TM4SF20: variants seen among roughly 807,000 people sequenced by gnomAD.
The protein encoded by TM4SF20 is transmembrane 4 L six family member 20.
In TM4SF20, 13 loss-of-function variants were observed where a neutral mutation model predicts 15.1. The observed-to-expected ratio is 0.86, with a 90% CI of 0.56 to 1.36. TM4SF20 has a LOEUF of 1.36. Among genes scored for constraint, TM4SF20 ranks in the 40% most tolerant of loss-of-function variants. TM4SF20 has a pLI of 0.00. For missense variants in TM4SF20, 282 were observed against 268.4 expected, an observed-to-expected ratio of 1.05 and a Z score of -0.35; for synonymous variants, 92 against 96.6, an observed-to-expected ratio of 0.95 and a Z score of 0.28.
chr2:227,376,125 A>C (rs2076449334), intron 1 of TM4SF20, among the ~76,000 whole-genome samples: 1 of 152,206 alleles, frequency 6.6e-6, no homozygotes, highest in Non-Finnish European at 1.5e-5. Flanking sequence ...TTCATGATGT[A>C]ATCAATAATG....
chr2:227,369,715 C>T (rs1391927015), intron 2 of TM4SF20, among the ~76,000 whole-genome samples: 1 of 152,144 alleles, frequency 6.6e-6, no homozygotes. Flanking sequence ...CCGTGCCCAG[C>T]CTAATGTTCC....
rs1226126996 is a variant in TM4SF20 at position 227,368,019 on chromosome 2, A to ATTT, written c.250-1778_250-1776dup. Reference sequence around the variant, plus strand: ...CCATGGTGTTTATTTTTAACCATCTATTTTTTTTTTTTTTTTTTTTTGGAG... The same window carrying ATTT: ...CCATGGTGTTTATTTTTAACCATCTATTTTTTTTTTTTTTTTTTTTTTTTGGAG... On this transcript the variant is annotated intron_variant, in intron 2 of 3. Transcript: ENST00000304568. Among the ~76,000 whole-genome samples the ATTT allele has an allele frequency of 6.6e-4, 80 of 120,518 alleles. 2 individuals are homozygous for ATTT. Among genetic ancestry groups the ATTT allele is most frequent in the African/African-American group, 2.1e-3 (61 of 29,448 alleles). The allele number at this position is 120,518 out of a possible 152,430, so 79.1% of individuals were successfully genotyped here.
At chr2:227,380,061 G>A (rs933456310), upstream of TM4SF20, among the ~76,000 whole-genome samples, 1 of 152,250 alleles carries the variant, frequency 6.6e-6, no homozygotes, top group Non-Finnish European at 1.5e-5. Context: ...AGCTGCGGTG[G>A]CTCACGCCTG....
intron 2 of TM4SF20, among the ~76,000 whole-genome samples, chr2:227,368,029 T>A (rs1299457124): frequency 1.4e-5 from 2 of 145,476 alleles, no homozygotes; most frequent in East Asian, 2.0e-4. Context: ...ATTTTTTTTT[T>A]TTTTTTTTTT....
chr2:227,365,197 C>T (rs971792182), intron 3 of TM4SF20, among the ~76,000 whole-genome samples: 1 of 152,216 alleles, frequency 6.6e-6, no homozygotes, highest in African/African-American at 2.4e-5. Flanking sequence ...AGGCGTGAGC[C>T]GCTGTGCCTG....
Position 227,363,803 on chromosome 2 carries a change from A to G in TM4SF20, c.611T>C (p.Leu204Pro), listed in dbSNP as rs772074199. The G allele has an allele frequency of 1.2e-6, 2 of 1,614,126 alleles. No homozygotes were observed. The highest frequency in any genetic ancestry group is 2.2e-5 in the East Asian group (1 of 44,892). The change falls in exon 4 of 4, where the codon CTG becomes CCG. Residue 204 changes from leucine to proline, a missense_variant. Physicochemically the swap from Leu to Pro is moderately conservative, Grantham distance 98 (BLOSUM62 -3). Transcript: ENST00000304568. ...GLLLVGILEVLFGLSQIVIGF... is the reference protein window; with the variant it reads ...GLLLVGILEVPFGLSQIVIGF... ...GATGACTATCTGACTGAGCCCAAAC[A>G]GGACCTCCAGAATTCCAACAAGCAA...
intron 3 of TM4SF20, among the ~76,000 whole-genome samples, chr2:227,365,279 A>G (rs2076387307): frequency 6.6e-6 from 1 of 152,234 alleles, no homozygotes; most frequent in Admixed American, 6.5e-5. Context: ...TTAATGTAGC[A>G]AGGTAAGGGA....
rs1367927082 is a variant in TM4SF20, at chr2:227,379,076, T to C, written c.183+10A>G. 1 of 1,612,718 alleles carries C rather than the reference T, an allele frequency of 6.2e-7. No individual in the cohort carries two copies. The highest frequency in any genetic ancestry group is 2.2e-5 in the East Asian group (1 of 44,868). ...CCTTCTTCACATCAAGTCAAATAAATATCACTCACCATCAGACCTGCTCCT... is the reference window on the plus strand; with the variant it reads ...CCTTCTTCACATCAAGTCAAATAAACATCACTCACCATCAGACCTGCTCCT... On this transcript the variant is annotated intron_variant, in intron 1 of 3. Coordinates refer to ENST00000304568, the MANE Select transcript of TM4SF20 (RefSeq NM_024795.4).
In TM4SF20 at chr2:227,362,093, A is replaced by C. The variant is rs1343104748; in HGVS notation, c.*1631T>G. ...AGCTATAATGTAGGTACTGCAAATT[A>C]TTTCTGGAACCTTAAGCCCAATGAA... On this transcript the variant is annotated 3_prime_UTR_variant, in exon 4 of 4. Transcript: ENST00000304568. 1 of 152,238 alleles carries C rather than the reference A, an allele frequency of 6.6e-6. No homozygotes were observed. Among genetic ancestry groups the C allele is most frequent in the Non-Finnish European group, 1.5e-5 (1 of 68,034 alleles). 9.4% of individuals were successfully genotyped at this position (152,238 alleles called of 1,614,324 possible).
At position 227,364,046 on chromosome 2, in the gene TM4SF20, A is replaced by G. The variant is rs140115177; in HGVS notation, c.402-34T>C. On this transcript the variant is annotated intron_variant, in intron 3 of 3. Coordinates refer to ENST00000304568, the MANE Select transcript of TM4SF20 (RefSeq NM_024795.4). ...CAAAAGATAAAAATCAGATATTCAG[A>G]AATATCCCTGACCAAAGGAAAGTAG... 799 of 1,582,680 alleles carry G rather than the reference A, an allele frequency of 5.0e-4. 5 individuals carry two copies. The African/African-American group carries it at 9.8e-3, about 19-fold the overall frequency.
intron 3 of TM4SF20, 36 bp downstream of exon 3, chr2:227,366,057 G>A (rs758334838): frequency 1.3e-6 from 2 of 1,592,506 alleles, no homozygotes; most frequent in Non-Finnish European, 1.7e-6. Flanking sequence ...GTTCAACTGT[G>A]TGAGACAGTA....
At chr2:227,368,110 G>A (rs557773869) in intron 2 of TM4SF20, among the ~76,000 whole-genome samples, 74 of 139,038 alleles carry the variant, frequency 5.3e-4, no homozygotes, top group African/African-American at 1.9e-3. Context: ...TGCAAGCTCC[G>A]CCTCCCGGGT....
intron 3 of TM4SF20, among the ~76,000 whole-genome samples, 192 bp downstream of exon 3, chr2:227,365,901 G>A (rs577123487): frequency 2.0e-5 from 3 of 152,274 alleles, no homozygotes; most frequent in African/African-American, 7.2e-5. Flanking sequence ...TTAGAGCATT[G>A]TAAATCTAAT....
chr2:227,367,139 C>T (rs2076397234), intron 2 of TM4SF20, among the ~76,000 whole-genome samples: 1 of 152,148 alleles, frequency 6.6e-6, no homozygotes, highest in Admixed American at 6.5e-5. Context: ...CCACTAGATG[C>T]CAATATCATC....
Position 227,366,096 on chromosome 2 carries a change from A to G in TM4SF20, c.398T>C (p.Ile133Thr), listed in dbSNP as rs2076391332. 1.2e-6 allele frequency: 2 copies of G among 1,611,832 alleles called. No homozygotes were observed. Among genetic ancestry groups the G allele is most frequent in the Non-Finnish European group, 1.7e-6 (2 of 1,179,350 alleles). ...NANCEFSLKNISDIHPESFNL... is the reference protein window; with the variant it reads ...NANCEFSLKNTSDIHPESFNL... ...CTGTGAAAATCAAGTTACTTACCTGATGTTTTTCAATGAAAATTCACAATT... is the reference window on the plus strand; with the variant it reads ...CTGTGAAAATCAAGTTACTTACCTGGTGTTTTTCAATGAAAATTCACAATT... The change falls in exon 3 of 4, where the codon ATC becomes ACC. Residue 133 changes from isoleucine (I) to threonine (T), a missense_variant. Transcript: ENST00000304568.
chr2:227,371,817 G>A (rs746320050), intron 1 of TM4SF20, among the ~76,000 whole-genome samples: 19 of 152,190 alleles, frequency 1.2e-4, no homozygotes, highest in South Asian at 6.2e-4. Context: ...TTGGTTCCAC[G>A]TTCTCCTTTC....
At chr2:227,373,497 G>A (rs2076431060) in intron 1 of TM4SF20, among the ~76,000 whole-genome samples, 2 of 152,158 alleles carry the variant, frequency 1.3e-5, no homozygotes, top group African/African-American at 4.8e-5. Context: ...GAGCTTACAG[G>A]ACAAATCATT....
At chr2:227,380,326 T>G (rs992934778), upstream of TM4SF20, among the ~76,000 whole-genome samples, 1 of 152,134 alleles carries the variant, frequency 6.6e-6, no homozygotes, top group Non-Finnish European at 1.5e-5. Flanking sequence ...GGAGACTCCA[T>G]CTCAAAAAAC....
chr2:227,381,406 A>G (rs2076479388), upstream of TM4SF20, among the ~76,000 whole-genome samples: 1 of 152,052 alleles, frequency 6.6e-6, no homozygotes, highest in South Asian at 2.1e-4. Context: ...TGCATGGTTG[A>G]GATTTCTACT....
Sources: allele counts gnomAD v4.1 joint callset (sites outside exome capture counted in the v4.1 genomes callset), GRCh38; gene constraint gnomAD v4.1.1; transcripts MANE v1.5; gene names NCBI Gene and HGNC (gene_info 2026-07-23, HGNC 2026-07-21).